Variants in CNTN5 observed in about 807,000 individuals in gnomAD.
CNTN5 encodes the protein contactin 5.
Under a neutral mutation model 129.1 loss-of-function variants are expected in CNTN5, and 77 were observed. The ratio of observed to expected loss-of-function variants is 0.60; its 90% CI spans 0.50 to 0.72. The LOEUF is 0.72. Ranked by LOEUF, CNTN5 falls within the 30% of genes least tolerant of loss-of-function variation. CNTN5 has a pLI of 0.00. For missense variants in CNTN5, 1,478 were observed against 1,328.8 expected (o/e 1.11, Z -1.75); for synonymous variants, 509 against 465.6 (o/e 1.09, Z -1.20).
At chr11:100,013,777 T>C (rs1443286812) in intron 9 of CNTN5, among the ~76,000 whole-genome samples, 1 of 152,208 alleles carries the variant, frequency 6.6e-6, no homozygotes, top group Admixed American at 6.6e-5. Context: ...TTAACAACTA[T>C]ATTGCTACTT....
At chr11:99,149,363 G>A (rs1003510940) in intron 1 of CNTN5, among the ~76,000 whole-genome samples, 4 of 151,932 alleles carry the variant, frequency 2.6e-5, no homozygotes, top group African/African-American at 4.8e-5. Context: ...AATGCAAGGG[G>A]TTCCAAATTT....
intron 6 of CNTN5, among the ~76,000 whole-genome samples, chr11:99,888,936 A>G (rs1187135437): frequency 2.6e-5 from 4 of 152,016 alleles, no homozygotes; most frequent in Admixed American, 2.0e-4. Flanking sequence ...TTGAGTTGTC[A>G]AGAGGAAGAA....
At chr11:100,318,635 A>G (rs1004702802) in intron 21 of CNTN5, among the ~76,000 whole-genome samples, 10 of 152,210 alleles carry the variant, frequency 6.6e-5, no homozygotes, top group African/African-American at 1.9e-4. Flanking sequence ...AGAACAGCCC[A>G]TTTAAAAATT....
intron 2 of CNTN5, among the ~76,000 whole-genome samples, chr11:99,540,020 A>G (rs1035363598): frequency 6.6e-6 from 1 of 152,164 alleles, no homozygotes. Flanking sequence ...TGTTACAGAT[A>G]CTTCTTTCTC....
chr11:100,160,302 T>G (rs548354315), intron 13 of CNTN5, among the ~76,000 whole-genome samples: 7 of 152,132 alleles, frequency 4.6e-5, no homozygotes, highest in African/African-American at 1.7e-4. Context: ...TGCCACATTT[T>G]CGTTATCCAG....
At chr11:99,865,181 T>A (rs893363229) in intron 6 of CNTN5, among the ~76,000 whole-genome samples, 2 of 152,148 alleles carry the variant, frequency 1.3e-5, no homozygotes, top group Admixed American at 1.3e-4. Context: ...CCTCCTTCCT[T>A]CTGTGCTTCA....
At chr11:99,931,394 A>G (rs931158202) in intron 7 of CNTN5, among the ~76,000 whole-genome samples, 7 of 152,210 alleles carry the variant, frequency 4.6e-5, no homozygotes, top group East Asian at 1.9e-4. Context: ...TAGACACAGC[A>G]TAAGGAAAAA....
At chr11:99,626,733 A>G (rs865843313) in intron 3 of CNTN5, among the ~76,000 whole-genome samples, 4 of 152,164 alleles carry the variant, frequency 2.6e-5, no homozygotes, top group Admixed American at 6.6e-5. Flanking sequence ...TACGCTGTTA[A>G]GAACATACTG....
chr11:99,819,926 C>G (rs1045536624), intron 4 of CNTN5, among the ~76,000 whole-genome samples, 161 bp downstream of exon 4: 2 of 152,154 alleles, frequency 1.3e-5, no homozygotes, highest in African/African-American at 4.8e-5. Context: ...CTGGGGTGAG[C>G]TAGTAGAAAA....
intron 9 of CNTN5, among the ~76,000 whole-genome samples, chr11:100,029,854 C>T (rs981175222): frequency 2.0e-5 from 3 of 152,068 alleles, no homozygotes; most frequent in East Asian, 1.9e-4. Flanking sequence ...ATCTTTACAC[C>T]AAAATAATGA....
intron 3 of CNTN5, among the ~76,000 whole-genome samples, chr11:99,814,400 C>T (rs1946518495): frequency 6.6e-6 from 1 of 152,086 alleles, no homozygotes; most frequent in Admixed American, 6.6e-5. Flanking sequence ...ATTATCCATC[C>T]TGTATTATGG....
rs138003485 is a variant in CNTN5, at chr11:99,872,339, A to G, written c.577+27077A>G. Among the ~76,000 whole-genome samples, 643 of 152,240 alleles carry G rather than the reference A, an allele frequency of 4.2e-3. 3 individuals carry two copies. The highest frequency in any genetic ancestry group is 0.013 in the African/African-American group (539 of 41,556). On this transcript the variant is annotated intron_variant, in intron 6 of 24. Transcript: ENST00000524871. ...TTTTACTTCCAGAAAGATGATTACC[A>G]TATGTATTTTATTTATAAATTTCGG...
chr11:99,234,724 A>C (rs1861178007), intron 1 of CNTN5, among the ~76,000 whole-genome samples: 1 of 151,900 alleles, frequency 6.6e-6, no homozygotes, highest in African/African-American at 2.4e-5. Flanking sequence ...AATAAATAAT[A>C]ATGTAAATTT....
chr11:99,249,115 A>G, intron 1 of CNTN5, among the ~76,000 whole-genome samples: 1 of 152,110 alleles, frequency 6.6e-6, no homozygotes. Context: ...ATGTTCTTCC[A>G]TTTGTTCGCA....
intron 7 of CNTN5, among the ~76,000 whole-genome samples, chr11:99,917,960 G>A (rs1337053439): frequency 6.6e-6 from 1 of 152,044 alleles, no homozygotes; most frequent in East Asian, 1.9e-4. Context: ...GCTTGACCAA[G>A]GCCAACTTGA....
intron 16 of CNTN5, among the ~76,000 whole-genome samples, chr11:100,229,067 C>T (rs1004813905): frequency 5.9e-5 from 9 of 152,270 alleles, no homozygotes; most frequent in Middle Eastern, 3.4e-3. Context: ...CTAGCGCTAA[C>T]TAATTATATA....
intron 1 of CNTN5, among the ~76,000 whole-genome samples, chr11:99,108,430 A>G (rs763011658): frequency 2.0e-5 from 3 of 152,138 alleles, no homozygotes; most frequent in Non-Finnish European, 4.4e-5. Context: ...AGGAGAAAAG[A>G]TAAGTCTTCT....
intron 9 of CNTN5, among the ~76,000 whole-genome samples, chr11:100,047,865 G>A (rs1942766368): frequency 6.6e-6 from 1 of 152,100 alleles, no homozygotes; most frequent in Non-Finnish European, 1.5e-5. Context: ...TGAGGCGGTG[G>A]TTCACGCTGT....
rs944995336 is a variant in CNTN5 at position 99,819,651 on chromosome 11, A to G, written c.163A>G (p.Ser55Gly). The change falls in exon 4 of 25, where the codon AGC (serine) becomes GGC (glycine). Residue 55 changes from serine to glycine, a missense_variant. Physicochemically the swap from Ser to Gly is moderately conservative, Grantham distance 56. Coordinates refer to ENST00000524871, the MANE Select transcript of CNTN5 (RefSeq NM_014361.4). ...LFGSKTRPRY[S>G]SPSLGTLSAS... is the part of the protein sequence containing the mutation. Reference sequence around the variant, plus strand: ...TGGTTCCAAAACCAGACCACGATACAGCAGCCCTTCATTAGGAACACTGAG... The same window carrying G: ...TGGTTCCAAAACCAGACCACGATACGGCAGCCCTTCATTAGGAACACTGAG... 3.7e-6 allele frequency: 6 copies of G among 1,612,912 alleles called. No individual in the cohort carries two copies. The highest frequency in any genetic ancestry group is 5.1e-6 in the Non-Finnish European group (6 of 1,179,828).
Sources: gnomAD v4.1 joint callset for allele counts (sites outside exome capture counted in the v4.1 genomes callset) on GRCh38, gnomAD v4.1.1 for gene constraint, MANE v1.5 for transcripts, NCBI Gene and HGNC (gene_info 2026-07-23, HGNC 2026-07-21) for gene names.